GRM1: variants seen among roughly 807,000 people sequenced by gnomAD.
GRM1 encodes the protein metabotropic glutamate receptor 1.
In GRM1, 33 loss-of-function variants were observed where a neutral mutation model predicts 90.9. The ratio of observed to expected loss-of-function variants is 0.36; its 90% CI spans 0.28 to 0.49. The LOEUF (loss-of-function observed/expected upper bound fraction) is 0.49, where lower values mean the gene tolerates loss of function less well. Ranked by LOEUF, GRM1 falls within the 20% of genes least tolerant of loss-of-function variation. The pLI, the probability that GRM1 is intolerant of heterozygous loss-of-function variation, is 0.99. For missense variants in GRM1, 1,190 were observed against 1,534.3 expected (o/e 0.78, Z 3.75); for synonymous variants, 700 against 613.2 (o/e 1.14, Z -2.09).
At chr6:146,316,293 C>A (rs1783964034) in intron 3 of GRM1, among the ~76,000 whole-genome samples, 1 of 152,130 alleles carries the variant, frequency 6.6e-6, no homozygotes, top group Non-Finnish European at 1.5e-5. Context: ...CTGGACGTGA[C>A]CAGGGAAATT....
chr6:146,331,821 G>A (rs1362529411), intron 3 of GRM1, among the ~76,000 whole-genome samples: 1 of 152,134 alleles, frequency 6.6e-6, no homozygotes, highest in African/African-American at 2.4e-5. Flanking sequence ...TTGAGCTTGT[G>A]TTAAGTAGCA....
At chr6:146,381,021 TC>T (rs1189817820) in intron 5 of GRM1, among the ~76,000 whole-genome samples, 1 of 152,122 alleles carries the variant, frequency 6.6e-6, no homozygotes. Context: ...CCCAACTCTT[TC>T]CTCTCCTTTG....
chr6:146,240,099 A>G (rs1205356136), intron 2 of GRM1, among the ~76,000 whole-genome samples: 1 of 152,092 alleles, frequency 6.6e-6, no homozygotes, highest in East Asian at 1.9e-4. Context: ...TGCTGGTGGG[A>G]ACCTGGCAAG....
chr6:146,151,129 A>G (rs1161941336), intron 1 of GRM1, among the ~76,000 whole-genome samples: 2 of 152,210 alleles, frequency 1.3e-5, no homozygotes, highest in Non-Finnish European at 2.9e-5. Flanking sequence ...CTGTGACCCA[A>G]GGGACCAGAC....
chr6:146,077,794 C>A (rs1776236944), intron 1 of GRM1, among the ~76,000 whole-genome samples: 1 of 152,154 alleles, frequency 6.6e-6, no homozygotes, highest in African/African-American at 2.4e-5. Context: ...ACACCAGGCC[C>A]TGGTATGGGC....
intron 2 of GRM1, among the ~76,000 whole-genome samples, chr6:146,162,107 A>G (rs1777749623): frequency 6.6e-6 from 1 of 152,190 alleles, no homozygotes; most frequent in Non-Finnish European, 1.5e-5. Flanking sequence ...AATGCTGTCA[A>G]ATATATCTCC....
At chr6:146,180,714 G>T (rs1366035840) in intron 2 of GRM1, among the ~76,000 whole-genome samples, 2 of 151,786 alleles carry the variant, frequency 1.3e-5, no homozygotes, top group African/African-American at 2.4e-5. Context: ...ACTAAAATTG[G>T]TTTTCTTCAT....
At chr6:146,424,193 G>A (rs770163284) in intron 7 of GRM1, among the ~76,000 whole-genome samples, 3 of 152,242 alleles carry the variant, frequency 2.0e-5, no homozygotes, top group Non-Finnish European at 4.4e-5. Flanking sequence ...GATAAAGGAT[G>A]TGCAAGAGGC....
chr6:146,328,686 C>G (rs1784481963), intron 3 of GRM1, among the ~76,000 whole-genome samples: 1 of 152,144 alleles, frequency 6.6e-6, no homozygotes, highest in Non-Finnish European at 1.5e-5. Context: ...ACCATGTGCC[C>G]TTTCCTGTGT....
intron 1 of GRM1, among the ~76,000 whole-genome samples, chr6:146,061,673 T>C (rs1775674002): frequency 6.6e-6 from 1 of 151,702 alleles, no homozygotes; most frequent in Non-Finnish European, 1.5e-5. Context: ...AACAAACACT[T>C]CTCAAAAAAA....
intron 2 of GRM1, among the ~76,000 whole-genome samples, chr6:146,225,432 G>A (rs567719994): frequency 3.9e-5 from 6 of 151,994 alleles, no homozygotes; most frequent in Non-Finnish European, 7.4e-5. Context: ...AACTGCAACC[G>A]TATCAAACTC....
intron 4 of GRM1, among the ~76,000 whole-genome samples, chr6:146,356,379 T>A (rs898677642): frequency 6.6e-6 from 1 of 152,072 alleles, no homozygotes; most frequent in Non-Finnish European, 1.5e-5. Flanking sequence ...TGCTTTCTGG[T>A]TCACAAATGG....
intron 1 of GRM1, among the ~76,000 whole-genome samples, chr6:146,075,733 C>T (rs1776162436): frequency 6.6e-6 from 1 of 152,134 alleles, no homozygotes; most frequent in Non-Finnish European, 1.5e-5. Flanking sequence ...AGGAGAGAAT[C>T]CTTCCTTTTT....
At position 146,352,252 on chromosome 6, in the gene GRM1, A is replaced by G. The variant is rs763626876; in HGVS notation, c.1189A>G (p.Asn397Asp). Residue 397 changes from asparagine (N) to aspartate (D), a missense_variant and splice_region_variant, in exon 4 of 8, where the codon AAT becomes GAT. This residue lies in a region of GRM1 where 414 missense variants were observed against 598.4 expected (regional missense o/e 0.69). Coordinates refer to ENST00000282753, the MANE Select transcript of GRM1 (RefSeq NM_001278064.2). ...NPNFKRICTG[N>D]ESLEENYVQD... ...GTGATCTATTTTTATTGTTACAGGC[A>G]ATGAAAGCTTAGAAGAAAACTATGT... is the stretch of plus-strand genomic sequence containing the variant. The G allele has an allele frequency of 1.9e-6, 3 of 1,613,738 alleles. No individual in the cohort carries two copies. Among genetic ancestry groups the G allele is most frequent in the Non-Finnish European group, 8.5e-7 (1 of 1,179,696 alleles).
At chr6:146,365,124 C>T (rs1775629467) in intron 5 of GRM1, 1 of 151,996 alleles carries the variant, frequency 6.6e-6, no homozygotes, top group Non-Finnish European at 1.5e-5. Context: ...GAATCTTGTA[C>T]TTGAGAAGTC....
intron 1 of GRM1, among the ~76,000 whole-genome samples, chr6:146,134,974 C>T (rs1182421847): frequency 2.0e-5 from 3 of 152,172 alleles, no homozygotes; most frequent in African/African-American, 7.2e-5. Flanking sequence ...ATGGGGGGAC[C>T]ACCCCCATAG....
At chr6:146,044,687 T>C (rs1458044456) in intron 1 of GRM1, among the ~76,000 whole-genome samples, 5 of 152,024 alleles carry the variant, frequency 3.3e-5, no homozygotes, top group Non-Finnish European at 4.4e-5. Flanking sequence ...ATTCATTTTT[T>C]TGGTCTATGT....
At chr6:146,058,348 G>T (rs981966775) in intron 1 of GRM1, among the ~76,000 whole-genome samples, 1 of 151,780 alleles carries the variant, frequency 6.6e-6, no homozygotes, top group Non-Finnish European at 1.5e-5. Context: ...CCTATTTTTT[G>T]GTTTTCAGTG....
chr6:146,352,627 T>C (rs1206296512), intron 4 of GRM1, 131 bp downstream of exon 4: 1 of 870,770 alleles, frequency 1.1e-6, no homozygotes, highest in African/African-American at 1.6e-5. Flanking sequence ...TAGCAAAAAG[T>C]CCAGGGATAA....
Sources: allele counts gnomAD v4.1 joint callset (sites outside exome capture counted in the v4.1 genomes callset), GRCh38; gene constraint gnomAD v4.1.1; regional missense constraint gnomAD v4.1.1; transcripts MANE v1.5; gene names NCBI Gene and HGNC (gene_info 2026-07-23, HGNC 2026-07-21).